OTOF: variants seen among roughly 807,000 people sequenced by gnomAD.
OTOF encodes otoferlin.
In OTOF, 218 loss-of-function variants were observed where a neutral mutation model predicts 236.8. That is an observed-to-expected ratio of 0.92 (90% CI 0.82 to 1.03). The LOEUF is 1.03. Among genes scored for constraint, OTOF ranks in the 50% least tolerant of loss-of-function variants. The pLI, the probability that OTOF is intolerant of heterozygous loss-of-function variation, is 0.00. For synonymous variants in OTOF, 1,041 were observed against 1,072.5 expected, an observed-to-expected ratio of 0.97 and a Z score of 0.57; for missense variants, 2,590 against 2,694.4, an observed-to-expected ratio of 0.96 and a Z score of 0.86.
At chr2:26,465,599 G>A (rs1664686005) in intron 38 of OTOF, 73 bp downstream of exon 38, 4 of 1,495,692 alleles carry the variant, frequency 2.7e-6, no homozygotes, top group South Asian at 1.1e-5. Flanking sequence ...AAATCACCAG[G>A]ATCTGAATCT....
intron 5 of OTOF, among the ~76,000 whole-genome samples, chr2:26,510,530 C>T (rs1168950486): frequency 1.3e-5 from 2 of 152,102 alleles, no homozygotes; most frequent in East Asian, 1.9e-4. Flanking sequence ...ATCCCTCACC[C>T]CCGTGGCCAG....
At chr2:26,466,664 G>C (rs1330749203) in intron 36 of OTOF, 50 bp downstream of exon 36, 3 of 1,606,670 alleles carry the variant, frequency 1.9e-6, no homozygotes, top group African/African-American at 1.3e-5. Flanking sequence ...CTCTCTCCCA[G>C]ATGGGAGGAT....
At chr2:26,503,418 A>G (rs1666169297) in intron 6 of OTOF, among the ~76,000 whole-genome samples, 1 of 152,230 alleles carries the variant, frequency 6.6e-6, no homozygotes, top group Admixed American at 6.5e-5. Context: ...CCGACCCCGT[A>G]CTAGTGGGAC....
chr2:26,513,588 GTGAGA>G (rs1474305515), intron 5 of OTOF, among the ~76,000 whole-genome samples: 4 of 152,226 alleles, frequency 2.6e-5, no homozygotes, highest in African/African-American at 9.6e-5. Flanking sequence ...AAGATGGCCG[GTGAGA>G]CACTGCTGCT....
intron 3 of OTOF, 80 bp downstream of exon 3, chr2:26,527,752 C>CACA (rs1666843283): frequency 6.6e-6 from 7 of 1,058,452 alleles, no homozygotes; most frequent in Non-Finnish European, 1.0e-5. Flanking sequence ...TTTTAAGCCC[C>CACA]AAACAGAGGG....
chr2:26,541,052 C>T lies in OTOF; in HGVS notation c.80-3278G>A, dbSNP rs141018084. On this transcript the variant is annotated intron_variant, in intron 1 of 46. Transcript: ENST00000272371. ...TATGGGGGCTTCCCCTAAAGACCTG[C>T]TGCTCTGAATAACCAAAGGCCTTTG... 2.0e-4 allele frequency among the ~76,000 whole-genome samples: 30 copies of T among 152,320 alleles called. No individual in the cohort carries two copies. In the East Asian group the frequency reaches 4.4e-3, roughly 23 times the overall value.
At position 26,479,744 on chromosome 2, in the gene OTOF, G is replaced by T. The variant is rs1665477478; in HGVS notation, c.1913-91C>A. On this transcript the variant is annotated intron_variant, in intron 16 of 46. Coordinates refer to ENST00000272371, the MANE Select transcript of OTOF (RefSeq NM_194248.3). ...CCGGTGCTGCCTTGGGTTTGGGAAAGGGGAGAGGGAGAGTCAGGGAATGGG... is the reference window on the plus strand; with the variant it reads ...CCGGTGCTGCCTTGGGTTTGGGAAATGGGAGAGGGAGAGTCAGGGAATGGG... 3.0e-6 allele frequency: 4 copies of T among 1,315,738 alleles called. No individual in the cohort carries two copies. The East Asian group carries it at 7.0e-5, about 23-fold the overall frequency. 81.5% of individuals were successfully genotyped at this position (1,315,738 alleles called of 1,614,324 possible).
chr2:26,493,405 C>T (rs59333373), intron 9 of OTOF, among the ~76,000 whole-genome samples: 3,059 of 152,278 alleles, frequency 0.02, 93 homozygotes, highest in African/African-American at 0.069. Flanking sequence ...TTACTTGGGA[C>T]AGCCTGGCAC....
At chr2:26,545,516 T>C (rs1667310000) in intron 1 of OTOF, among the ~76,000 whole-genome samples, 1 of 152,204 alleles carries the variant, frequency 6.6e-6, no homozygotes, top group African/African-American at 2.4e-5. Context: ...TTTTTTACTC[T>C]GTGACTAGCC....
At chr2:26,493,658 A>G (rs564911439) in intron 9 of OTOF, among the ~76,000 whole-genome samples, 3 of 152,320 alleles carry the variant, frequency 2.0e-5, no homozygotes, top group Non-Finnish European at 2.9e-5. Flanking sequence ...GAAGGACACA[A>G]TAAGCGAACA....
At chr2:26,518,016 C>A (rs1448235104) in intron 4 of OTOF, among the ~76,000 whole-genome samples, 2 of 152,136 alleles carry the variant, frequency 1.3e-5, no homozygotes, top group Non-Finnish European at 2.9e-5. Context: ...GTGGCTGAGA[C>A]CCCGGTAACT....
intron 9 of OTOF, among the ~76,000 whole-genome samples, chr2:26,492,228 T>C (rs78995351): frequency 0.02 from 3,011 of 152,268 alleles, 102 homozygotes; most frequent in African/African-American, 0.068. Flanking sequence ...ACTTGGTAGC[T>C]GTAACTAAGG....
rs771791492 is a variant in OTOF at position 26,464,066 on chromosome 2, GGCCAACAGC to G, written c.4992_5000del (p.Leu1666_Leu1668del). ...GGGGGATGTCCTCCCAGTGCCTCAG[GGCCAACAGC>G]GCCACATGCTCGTCTGTGGGCTTCC... On this transcript the variant is annotated inframe_deletion, in exon 40 of 47. Transcript: ENST00000272371. The G allele has an allele frequency of 5.6e-6, 9 of 1,613,542 alleles. No homozygotes were observed. The highest frequency in any genetic ancestry group is 7.6e-6 in the Non-Finnish European group (9 of 1,180,028).
chr2:26,473,761 G>T lies in OTOF; in HGVS notation c.3409-194C>A, dbSNP rs1468214685. Among the ~76,000 whole-genome samples the T allele has an allele frequency of 6.6e-6, 1 of 152,124 alleles. No individual in the cohort carries two copies. Among genetic ancestry groups the T allele is most frequent in the Non-Finnish European group, 1.5e-5 (1 of 68,002 alleles). ...GTTCTCCAGGGATGAGGGTGGGGCTGCCCGGAGAAGGGGTGCAGGGTCAGG... is the reference window on the plus strand; with the variant it reads ...GTTCTCCAGGGATGAGGGTGGGGCTTCCCGGAGAAGGGGTGCAGGGTCAGG... On this transcript the variant is annotated intron_variant, in intron 27 of 46. Coordinates refer to ENST00000272371, the MANE Select transcript of OTOF (RefSeq NM_194248.3). The surrounding 1 kb of genome is among the most constrained non-coding windows in gnomAD (Gnocchi z 7.2).
At chr2:26,475,520 GA>G in intron 24 of OTOF, 27 bp from the exon 25 acceptor site, 1 of 1,607,798 alleles carries the variant, frequency 6.2e-7, no homozygotes, top group Non-Finnish European at 8.5e-7. Flanking sequence ...GGAGACAGGG[GA>G]CAAGTGACAG....
intron 3 of OTOF, among the ~76,000 whole-genome samples, chr2:26,526,740 CT>C (rs984883714): frequency 1.3e-5 from 2 of 152,166 alleles, no homozygotes; most frequent in African/African-American, 4.8e-5. Flanking sequence ...GCCTACTTTT[CT>C]TTTGTTTGTA....
chr2:26,511,822 C>T (rs1242095719), intron 5 of OTOF, among the ~76,000 whole-genome samples: 1 of 152,182 alleles, frequency 6.6e-6, no homozygotes, highest in African/African-American at 2.4e-5. Context: ...TGGGGCTCAG[C>T]CTGGAGAAGG....
rs1380516762 is a variant in OTOF, at chr2:26,460,291, G to A, written c.5814-86C>T. The A allele has an allele frequency of 8.2e-6, 9 of 1,091,896 alleles. No individual in the cohort carries two copies. In the East Asian group the frequency reaches 2.1e-4, roughly 25 times the overall value. The allele number at this position is 1,091,896 out of a possible 1,614,324, so 67.6% of individuals were successfully genotyped here. A position where few individuals can be genotyped will look rare whatever the true frequency, so the allele number is the denominator to read the frequency against. On this transcript the variant is annotated intron_variant, in intron 45 of 46. Transcript: ENST00000272371. The surrounding 1 kb of genome is among the most constrained non-coding windows in gnomAD (Gnocchi z 5.3). ...GCGAGGGGCCAAGACCAAGAGGGAAGCTGTCCTGGGCTGTGTGTGCAGTTC... is the reference window on the plus strand; with the variant it reads ...GCGAGGGGCCAAGACCAAGAGGGAAACTGTCCTGGGCTGTGTGTGCAGTTC...
At chr2:26,501,059 T>C (rs1666104862) in intron 8 of OTOF, among the ~76,000 whole-genome samples, 1 of 152,170 alleles carries the variant, frequency 6.6e-6, no homozygotes, top group Admixed American at 6.5e-5. Flanking sequence ...CTGAGTCCTG[T>C]TAGCCTCCAA....
Sources: allele counts gnomAD v4.1 joint callset (sites outside exome capture counted in the v4.1 genomes callset), GRCh38; gene constraint gnomAD v4.1.1; non-coding constraint Gnocchi (gnomAD v3.1); transcripts MANE v1.5; gene names NCBI Gene and HGNC (gene_info 2026-07-23, HGNC 2026-07-21).